The following THRB variants were observed in gnomAD, a reference collection of about 807,000 sequenced individuals.
THRB encodes thyroid hormone receptor beta.
Under a neutral mutation model 47.8 loss-of-function variants are expected in THRB, and 12 were observed. That is an observed-to-expected ratio of 0.25 (90% confidence interval 0.16 to 0.41). The LOEUF (loss-of-function observed/expected upper bound fraction) is 0.41, where lower values mean the gene tolerates loss of function less well. Ranked by LOEUF, THRB falls within the 10% of genes least tolerant of loss-of-function variation. The pLI is 1.00. For missense variants in THRB, 348 were observed against 589.2 expected (o/e 0.59, Z 4.24); for synonymous variants, 218 against 212.2 (o/e 1.03, Z -0.24).
chr3:24,483,731 A>C (rs1696828826), intron 1 of THRB, among the ~76,000 whole-genome samples: 1 of 152,226 alleles, frequency 6.6e-6, no homozygotes, highest in Non-Finnish European at 1.5e-5. Flanking sequence ...ATGGCACAAA[A>C]AGTAGAACTT....
chr3:24,432,542 T>G (rs986929532), intron 1 of THRB, among the ~76,000 whole-genome samples: 1 of 152,066 alleles, frequency 6.6e-6, no homozygotes, highest in Non-Finnish European at 1.5e-5. Context: ...GAGAAGTATT[T>G]GAAAAAATAA....
chr3:24,295,300 G>A (rs1449958931), intron 3 of THRB, among the ~76,000 whole-genome samples: 3 of 152,094 alleles, frequency 2.0e-5, no homozygotes, highest in African/African-American at 4.8e-5. Flanking sequence ...TGTATACTTC[G>A]AAGATGCAAG....
At position 24,122,630 on chromosome 3, in the gene THRB, T is replaced by C. The variant is rs371232790; in HGVS notation, c.*254A>G. On this transcript the variant is annotated 3_prime_UTR_variant, in exon 11 of 11. Transcript: ENST00000646209. ...ATGCTTGGTGCTGGTGAGTTAATGATTGTCCCCCACCCCACCTCCACAACC... is the reference window on the plus strand; with the variant it reads ...ATGCTTGGTGCTGGTGAGTTAATGACTGTCCCCCACCCCACCTCCACAACC... 2.1e-5 allele frequency: 11 copies of C among 524,148 alleles called. No homozygotes were observed. Among genetic ancestry groups the C allele is most frequent in the East Asian group, 1.0e-4 (3 of 28,702 alleles). The allele number at this position is 524,148 out of a possible 1,614,324, so 32.5% of individuals were successfully genotyped here. A position where few individuals can be genotyped will look rare whatever the true frequency, so the allele number is the denominator to read the frequency against.
At chr3:24,453,464 C>A (rs951079909) in intron 1 of THRB, among the ~76,000 whole-genome samples, 3 of 152,148 alleles carry the variant, frequency 2.0e-5, no homozygotes, top group Non-Finnish European at 4.4e-5. Context: ...AATCCATTCA[C>A]CTTACTCGTT....
At chr3:24,439,065 T>G (rs62255440) in intron 1 of THRB, among the ~76,000 whole-genome samples, 6,469 of 152,212 alleles carry the variant, frequency 0.042, 185 homozygotes, top group Non-Finnish European at 0.064. Flanking sequence ...CAGAGGTCAT[T>G]CTGCACAGAG....
In THRB at chr3:24,190,246, T is replaced by C. The variant is rs777598407; in HGVS notation, c.111A>G (p.Leu37=). Residue 37 remains leucine (L), a synonymous_variant, in exon 5 of 11, where the codon CTA becomes CTG. Transcript: ENST00000646209. ...WKLVGMSEAC[L]HRKSHSERRS... ...GCCTCTCTGAATGGCTCTTCCTATG[T>C]AGGCAGGCTTCAGACATTCCTACTA... is the stretch of plus-strand genomic sequence containing the variant. 1.2e-6 allele frequency: 2 copies of C among 1,614,086 alleles called. No homozygotes were observed.
chr3:24,370,918 T>A (rs2064859188), intron 1 of THRB, among the ~76,000 whole-genome samples: 1 of 152,152 alleles, frequency 6.6e-6, no homozygotes, highest in Non-Finnish European at 1.5e-5. Context: ...TTTAAAGAGG[T>A]TAATAGCCTA....
At chr3:24,272,736 T>C (rs1335284033) in intron 3 of THRB, among the ~76,000 whole-genome samples, 1 of 152,196 alleles carries the variant, frequency 6.6e-6, no homozygotes, top group Non-Finnish European at 1.5e-5. Context: ...ATATTTCACC[T>C]AGCTGTAGTC....
intron 1 of THRB, among the ~76,000 whole-genome samples, chr3:24,391,899 A>T (rs900301570): frequency 3.3e-5 from 5 of 152,146 alleles, no homozygotes; most frequent in Non-Finnish European, 7.3e-5. Context: ...TATGGTTCAC[A>T]TCTTAGAGAT....
intron 1 of THRB, among the ~76,000 whole-genome samples, chr3:24,452,933 T>C (rs888681429): frequency 1.0e-4 from 15 of 149,194 alleles, no homozygotes; most frequent in African/African-American, 3.2e-4. Flanking sequence ...ATACCAGCTC[T>C]ATCTCTGGCC....
At chr3:24,309,240 T>A (rs539994311) in intron 2 of THRB, among the ~76,000 whole-genome samples, 1 of 152,182 alleles carries the variant, frequency 6.6e-6, no homozygotes, top group African/African-American at 2.4e-5. Context: ...TCAGAAATGT[T>A]TTACATTGAT....
At chr3:24,429,284 A>G (rs989283994) in intron 1 of THRB, among the ~76,000 whole-genome samples, 1 of 150,248 alleles carries the variant, frequency 6.7e-6, no homozygotes, top group Non-Finnish European at 1.5e-5. Flanking sequence ...ATATCAATAT[A>G]TTAAATATAT....
chr3:24,411,233 G>A (rs546330203), intron 1 of THRB, among the ~76,000 whole-genome samples: 9 of 151,784 alleles, frequency 5.9e-5, no homozygotes, highest in African/African-American at 2.2e-4. Context: ...ATAGAATGAC[G>A]GTCTTAAAAT....
chr3:24,356,029 C>T (rs1292101533), intron 1 of THRB, among the ~76,000 whole-genome samples: 5 of 152,092 alleles, frequency 3.3e-5, no homozygotes, highest in Admixed American at 6.6e-5. Flanking sequence ...AATTCTTCTC[C>T]AGCTGTGAAC....
chr3:24,315,552 T>G (rs1221277460), intron 2 of THRB, among the ~76,000 whole-genome samples: 1 of 152,198 alleles, frequency 6.6e-6, no homozygotes, highest in Non-Finnish European at 1.5e-5. Flanking sequence ...GGCTCAGGAT[T>G]CTGCACTGTG....
intron 3 of THRB, among the ~76,000 whole-genome samples, chr3:24,245,590 C>T (rs553582348): frequency 6.6e-6 from 1 of 152,242 alleles, no homozygotes; most frequent in South Asian, 2.1e-4. Flanking sequence ...AGGGACCACG[C>T]CAATTTTCTC....
chr3:24,362,385 AAG>A (rs1202497713), intron 1 of THRB, among the ~76,000 whole-genome samples: 1 of 152,154 alleles, frequency 6.6e-6, no homozygotes, highest in Non-Finnish European at 1.5e-5. Flanking sequence ...CCCCCTTCAT[AAG>A]AGATGCTCTT....
intron 1 of THRB, among the ~76,000 whole-genome samples, chr3:24,433,910 G>A (rs1458449196): frequency 4.6e-5 from 7 of 152,146 alleles, no homozygotes; most frequent in Non-Finnish European, 7.3e-5. Context: ...ACAGCTGCTC[G>A]ACTTCTCTAG....
intron 1 of THRB, among the ~76,000 whole-genome samples, chr3:24,388,203 G>T (rs1001165059): frequency 3.3e-5 from 5 of 152,024 alleles, no homozygotes; most frequent in Non-Finnish European, 5.9e-5. Flanking sequence ...AGGTATAAAG[G>T]CCCAGCCCCG....
Sources: allele counts gnomAD v4.1 joint callset (sites outside exome capture counted in the v4.1 genomes callset), GRCh38; gene constraint gnomAD v4.1.1; transcripts MANE v1.5; gene names NCBI Gene and HGNC (gene_info 2026-07-23, HGNC 2026-07-21).